COL5A2: variants seen among roughly 807,000 people sequenced by gnomAD.
COL5A2 encodes the protein collagen type V alpha 2 chain, also known as collagen alpha-2(V) chain.
COL5A2 carries 23 observed loss-of-function variants against 208.2 expected under a neutral mutation model. That is an observed-to-expected ratio of 0.11 (90% CI 0.08 to 0.16). COL5A2 has a LOEUF of 0.16. Among genes scored for constraint, COL5A2 ranks in the 10% least tolerant of loss-of-function variants. The probability of loss-of-function intolerance (pLI) is 1.00; values close to 1 mark genes in which losing one functional copy is unlikely to be tolerated. For missense variants in COL5A2, 1,590 were observed against 1,956.4 expected, an observed-to-expected ratio of 0.81 and a Z score of 3.53; for synonymous variants, 625 against 628.5, an observed-to-expected ratio of 0.99 and a Z score of 0.08.
upstream of COL5A2, among the ~76,000 whole-genome samples, chr2:189,225,389 T>C (rs555267521): frequency 6.6e-6 from 1 of 152,280 alleles, no homozygotes; most frequent in Admixed American, 6.5e-5. Flanking sequence ...GATGGACTAG[T>C]TGAAAAATGG....
chr2:189,413,452 GGA>G, the COL5A2 span, among the ~76,000 whole-genome samples: 27 of 152,170 alleles, frequency 1.8e-4, no homozygotes, highest in Non-Finnish European at 1.5e-5. Context: ...GTATTAAAAA[GGA>G]TGACGACTGG....
chr2:189,291,377 G>T, the COL5A2 span, among the ~76,000 whole-genome samples: 2 of 152,048 alleles, frequency 1.3e-5, no homozygotes, highest in African/African-American at 2.4e-5. Context: ...AAACCATTTT[G>T]CTACACATTA....
intron 1 of COL5A2, among the ~76,000 whole-genome samples, chr2:189,146,064 G>T (rs1688033270): frequency 6.6e-6 from 1 of 152,108 alleles, no homozygotes; most frequent in Non-Finnish European, 1.5e-5. Flanking sequence ...TGATTAGAAT[G>T]ATGATATCTT....
rs188237998 is a variant in COL5A2, at chr2:189,178,160, C to T, written c.97+1348G>A. ...AAAAGTTTTCACCTTTTATAAATTA[C>T]CTCATATTTTAAAAACATAAAACGT... On this transcript the variant is annotated intron_variant, in intron 1 of 53. Coordinates refer to ENST00000374866, the MANE Select transcript of COL5A2 (RefSeq NM_000393.5). Among the ~76,000 whole-genome samples, 43 of 152,196 alleles carry T rather than the reference C, an allele frequency of 2.8e-4. No homozygotes were observed. In the East Asian group the frequency reaches 7.5e-3, roughly 27 times the overall value.
intron 49 of COL5A2, 21 bp downstream of exon 49, chr2:189,042,699 T>C (rs761105866): frequency 6.2e-7 from 1 of 1,603,306 alleles, no homozygotes; most frequent in East Asian, 2.2e-5. Context: ...CACCTGCAAC[T>C]TACTACTTTT....
At chr2:189,209,071 C>A (rs1415920306) in intron 1 of COL5A2, among the ~76,000 whole-genome samples, 1 of 152,146 alleles carries the variant, frequency 6.6e-6, no homozygotes, top group African/African-American at 2.4e-5. Context: ...TTATTTTAAT[C>A]TTCTACTTTC....
the COL5A2 span, among the ~76,000 whole-genome samples, chr2:189,385,635 T>C: frequency 1.3e-5 from 2 of 150,948 alleles, no homozygotes; most frequent in African/African-American, 4.9e-5. Flanking sequence ...CAAAAATTCA[T>C]ACAGAATCGA....
At chr2:189,395,858 G>C in the COL5A2 span, among the ~76,000 whole-genome samples, 4 of 124,092 alleles carry the variant, frequency 3.2e-5, no homozygotes, top group African/African-American at 9.1e-5. Context: ...GTTGCAGTGA[G>C]CTAAGATGGT....
the COL5A2 span, among the ~76,000 whole-genome samples, chr2:189,291,986 G>A: frequency 6.6e-6 from 1 of 152,010 alleles, no homozygotes; most frequent in Non-Finnish European, 1.5e-5. Flanking sequence ...ATTTTATTAT[G>A]TGATCATAAT....
At chr2:189,284,546 A>G in the COL5A2 span, among the ~76,000 whole-genome samples, 1 of 152,118 alleles carries the variant, frequency 6.6e-6, no homozygotes, top group Non-Finnish European at 1.5e-5. Context: ...TCACAAGAAC[A>G]GCAAGGGGGA....
chr2:189,344,415 A>C, the COL5A2 span, among the ~76,000 whole-genome samples: 2 of 152,142 alleles, frequency 1.3e-5, no homozygotes, highest in Non-Finnish European at 2.9e-5. Context: ...GCCTGGATAC[A>C]CAGAACTCCA....
the COL5A2 span, among the ~76,000 whole-genome samples, chr2:189,256,620 TC>T: frequency 6.6e-6 from 1 of 152,112 alleles, no homozygotes; most frequent in African/African-American, 2.4e-5. Context: ...AATCTGGAGA[TC>T]TTTGCAAATC....
the COL5A2 span, among the ~76,000 whole-genome samples, chr2:189,282,142 C>T: frequency 1.5e-4 from 23 of 152,188 alleles, no homozygotes; most frequent in South Asian, 6.2e-4. Flanking sequence ...ACCAAGATCA[C>T]GCCACTGTAC....
At chr2:189,361,544 G>T in the COL5A2 span, among the ~76,000 whole-genome samples, 10 of 149,678 alleles carry the variant, frequency 6.7e-5, no homozygotes, top group African/African-American at 2.2e-4. Context: ...GTTGGGTCTT[G>T]TTTTTTTTTA....
the COL5A2 span, among the ~76,000 whole-genome samples, chr2:189,369,895 G>A: frequency 0.044 from 6,630 of 152,244 alleles, 172 homozygotes; most frequent in African/African-American, 0.057. Flanking sequence ...TCTTCCTCAT[G>A]TATTGATTAA....
the COL5A2 span, among the ~76,000 whole-genome samples, chr2:189,247,307 C>T: frequency 1.3e-5 from 2 of 152,136 alleles, no homozygotes; most frequent in East Asian, 1.9e-4. Context: ...TTAAAATGTA[C>T]ATTAATACAT....
intron 1 of COL5A2, among the ~76,000 whole-genome samples, chr2:189,124,847 A>G (rs1029679351): frequency 7.9e-5 from 12 of 151,938 alleles, no homozygotes; most frequent in African/African-American, 2.9e-4. Flanking sequence ...GTTAGTCACA[A>G]TAGATTCAAC....
At chr2:189,175,419 A>T (rs999733799) in intron 1 of COL5A2, among the ~76,000 whole-genome samples, 1 of 152,134 alleles carries the variant, frequency 6.6e-6, no homozygotes, top group Non-Finnish European at 1.5e-5. Context: ...TTTAAAAAAA[A>T]ATACCTAGAG....
rs766817139 is a variant in COL5A2 at position 189,066,785 on chromosome 2, G to GA, written c.1402-4dup. The GA allele has an allele frequency of 3.1e-6, 5 of 1,610,858 alleles. No individual in the cohort carries two copies. The highest frequency in any genetic ancestry group is 2.7e-5 in the African/African-American group (2 of 74,770). On this transcript the variant is annotated splice_region_variant and splice_polypyrimidine_tract_variant and intron_variant, in intron 21 of 53. Transcript: ENST00000374866. ...AAACCTGGAACTCCTGGATCACCCTGAAAAAAATATATTGATATTTGTAAG... is the reference window on the plus strand; with the variant it reads ...AAACCTGGAACTCCTGGATCACCCTGAAAAAAAATATATTGATATTTGTAAG...
Sources: gnomAD v4.1 joint callset for allele counts (sites outside exome capture counted in the v4.1 genomes callset) on GRCh38, gnomAD v4.1.1 for gene constraint, MANE v1.5 for transcripts, NCBI Gene and HGNC (gene_info 2026-07-23, HGNC 2026-07-21) for gene names.